NCK2: variants seen among roughly 807,000 people sequenced by gnomAD.
NCK2 encodes NCK adaptor protein 2.
In NCK2, 16 loss-of-function variants were observed where a neutral mutation model predicts 33.9. The observed-to-expected ratio is 0.47, with a 90% CI of 0.32 to 0.72. The LOEUF (loss-of-function observed/expected upper bound fraction) is 0.72, where lower values mean the gene tolerates loss of function less well. Ranked by LOEUF, NCK2 falls within the 30% of genes least tolerant of loss-of-function variation. The pLI, the probability that NCK2 is intolerant of heterozygous loss-of-function variation, is 0.03. For missense variants in NCK2, 418 were observed against 537.3 expected (o/e 0.78, Z 2.19); for synonymous variants, 273 against 239.9 (o/e 1.14, Z -1.27).
intron 1 of NCK2, among the ~76,000 whole-genome samples, chr2:105,749,746 A>G (rs890841764): frequency 4.6e-5 from 7 of 151,606 alleles, no homozygotes; most frequent in South Asian, 2.1e-4. Context: ...GGCAGGAGCA[A>G]TGTCAGTCTC....
At chr2:105,872,304 G>A (rs1475175833) in intron 3 of NCK2, among the ~76,000 whole-genome samples, 1 of 152,138 alleles carries the variant, frequency 6.6e-6, no homozygotes, top group Admixed American at 6.5e-5. Flanking sequence ...CCTGCCCTGT[G>A]CCCTTGCTGT....
chr2:105,844,979 A>G (rs1433768022), intron 2 of NCK2, among the ~76,000 whole-genome samples: 1 of 152,052 alleles, frequency 6.6e-6, no homozygotes, highest in African/African-American at 2.4e-5. Flanking sequence ...AGAGGTGTCT[A>G]TAGTAATTAA....
chr2:105,808,441 G>A (rs1675167558), intron 1 of NCK2, among the ~76,000 whole-genome samples: 1 of 152,174 alleles, frequency 6.6e-6, no homozygotes, highest in South Asian at 2.1e-4. Context: ...CCTCTAACTT[G>A]TTTCATTTAC....
chr2:105,842,918 A>G (rs1244163124), intron 2 of NCK2, among the ~76,000 whole-genome samples: 1 of 152,068 alleles, frequency 6.6e-6, no homozygotes, highest in Non-Finnish European at 1.5e-5. Flanking sequence ...ACTGCTTGCC[A>G]TTGCTTAGCA....
At chr2:105,872,771 G>C (rs1304682833) in intron 3 of NCK2, among the ~76,000 whole-genome samples, 7 of 152,252 alleles carry the variant, frequency 4.6e-5, no homozygotes, top group African/African-American at 1.7e-4. Context: ...ATCGTGATCT[G>C]TTAGTTGACT....
At chr2:105,750,057 C>CACACAT (rs909019616) in intron 1 of NCK2, among the ~76,000 whole-genome samples, 24 of 151,806 alleles carry the variant, frequency 1.6e-4, no homozygotes, top group African/African-American at 5.8e-4. Flanking sequence ...CACACACACA[C>CACACAT]ACACACACAC....
rs1261257588 is a variant in NCK2 at position 105,821,447 on chromosome 2, G to A, written c.-17+4834G>A. ...CACTCTGGACCCCTGGGTGATCTGGGGGAACAGTCTCTGCAGTTTGGACTG... is the reference window on the plus strand; with the variant it reads ...CACTCTGGACCCCTGGGTGATCTGGAGGAACAGTCTCTGCAGTTTGGACTG... On this transcript the variant is annotated intron_variant, in intron 2 of 4. Coordinates refer to ENST00000233154, the MANE Select transcript of NCK2 (RefSeq NM_003581.5). 2.0e-5 allele frequency among the ~76,000 whole-genome samples: 3 copies of A among 152,240 alleles called. No individual in the cohort carries two copies. The East Asian group carries it at 5.8e-4, about 29-fold the overall frequency.
chr2:105,875,007 A>G (rs547866011), intron 3 of NCK2, among the ~76,000 whole-genome samples: 1 of 152,344 alleles, frequency 6.6e-6, no homozygotes, highest in African/African-American at 2.4e-5. Context: ...CTGCTCACTG[A>G]GTGACAAATG....
In NCK2 at chr2:105,881,511, G is replaced by A. The variant is rs777123504; in HGVS notation, c.410G>A (p.Arg137His). Residue 137 changes from arginine (R) to histidine (H), a missense_variant, in exon 4 of 5, where the codon CGC becomes CAC. Coordinates refer to ENST00000233154, the MANE Select transcript of NCK2 (RefSeq NM_003581.5). ...EDELSLVKGS[R>H]VTVMEKCSDG... ...GAGTTGTCCCTGGTGAAGGGGTCGC[G>A]CGTCACCGTCATGGAGAAGTGCAGC... 3.1e-6 allele frequency: 5 copies of A among 1,614,034 alleles called. No homozygotes were observed. The South Asian group carries it at 3.3e-5, about 11-fold the overall frequency.
chr2:105,838,985 G>A (rs190417683), intron 2 of NCK2, among the ~76,000 whole-genome samples: 48 of 152,302 alleles, frequency 3.2e-4, no homozygotes, highest in East Asian at 2.5e-3. Context: ...AGAGTGGTGC[G>A]GCAGCTATTT....
rs138573902 is a variant in NCK2, at chr2:105,865,145, A to G, written c.226+9856A>G. On this transcript the variant is annotated intron_variant, in intron 3 of 4. Coordinates refer to ENST00000233154, the MANE Select transcript of NCK2 (RefSeq NM_003581.5). ...GAAAGCTCATGCAGTAGAAAAGCCT[A>G]AACCAAGTCCCCCAAACTAATCTCA... Among the ~76,000 whole-genome samples, 642 of 152,214 alleles carry G rather than the reference A, an allele frequency of 4.2e-3. 2 individuals are homozygous for G. Among genetic ancestry groups the G allele is most frequent in the African/African-American group, 0.014 (583 of 41,550 alleles).
chr2:105,822,196 G>A (rs559744499), intron 2 of NCK2, among the ~76,000 whole-genome samples: 1 of 152,048 alleles, frequency 6.6e-6, no homozygotes, highest in Admixed American at 6.5e-5. Flanking sequence ...GAAACGTAAG[G>A]GTGTGTGAAG....
At chr2:105,791,776 C>T (rs7588033) in intron 1 of NCK2, among the ~76,000 whole-genome samples, 36,672 of 151,976 alleles carry the variant, frequency 0.24, 6,145 homozygotes, top group African/African-American at 0.47. Flanking sequence ...GTAAAAATGA[C>T]GCAGCTGCTC....
At chr2:105,880,369 T>A (rs1678421420) in intron 3 of NCK2, among the ~76,000 whole-genome samples, 1 of 152,220 alleles carries the variant, frequency 6.6e-6, no homozygotes, top group African/African-American at 2.4e-5. Context: ...GTTTTCCTAA[T>A]GCACTCATCA....
At chr2:105,826,818 G>A (rs1210067277) in intron 2 of NCK2, among the ~76,000 whole-genome samples, 1 of 151,856 alleles carries the variant, frequency 6.6e-6, no homozygotes, top group African/African-American at 2.4e-5. Context: ...ATATATATAT[G>A]TATGTGTGTG....
chr2:105,801,759 G>A (rs925339276), intron 1 of NCK2, among the ~76,000 whole-genome samples: 4 of 151,992 alleles, frequency 2.6e-5, no homozygotes, highest in South Asian at 2.1e-4. Context: ...AGTCATTTTC[G>A]TGTCCACTCG....
rs148856941 is a variant in NCK2, at chr2:105,888,708, G to A, written c.949-4274G>A. On this transcript the variant is annotated intron_variant, in intron 4 of 4. Coordinates refer to ENST00000233154, the MANE Select transcript of NCK2 (RefSeq NM_003581.5). Reference sequence around the variant, plus strand: ...GCAGAAGCGATGGAGGGCAGCTTCCGAGATGGGCATTGTGGCTGCCTCTTT... The same window carrying A: ...GCAGAAGCGATGGAGGGCAGCTTCCAAGATGGGCATTGTGGCTGCCTCTTT... 8.9e-3 allele frequency among the ~76,000 whole-genome samples: 1,356 copies of A among 152,290 alleles called. 23 individuals are homozygous for A. Among genetic ancestry groups the A allele is most frequent in the South Asian group, 0.04 (194 of 4,816 alleles).
At chr2:105,822,744 T>C (rs985261910) in intron 2 of NCK2, among the ~76,000 whole-genome samples, 5 of 152,066 alleles carry the variant, frequency 3.3e-5, no homozygotes, top group Admixed American at 6.5e-5. Context: ...TTCCATTCAT[T>C]TTTCAGTGAT....
At chr2:105,863,014 C>T (rs1677603931) in intron 3 of NCK2, among the ~76,000 whole-genome samples, 1 of 151,780 alleles carries the variant, frequency 6.6e-6, no homozygotes, top group Non-Finnish European at 1.5e-5. Context: ...AGAATAATAC[C>T]AGATGTCAAC....
Sources: allele counts gnomAD v4.1 joint callset (sites outside exome capture counted in the v4.1 genomes callset), GRCh38; gene constraint gnomAD v4.1.1; transcripts MANE v1.5; gene names NCBI Gene and HGNC (gene_info 2026-07-23, HGNC 2026-07-21).